BFAR: variants seen among roughly 807,000 people sequenced by gnomAD.
BFAR encodes bifunctional apoptosis regulator.
In BFAR, 52 loss-of-function variants were observed where a neutral mutation model predicts 54.4. The observed-to-expected ratio is 0.96, with a 90% CI of 0.77 to 1.21. The LOEUF is 1.21. BFAR is among the 50% of genes most tolerant of loss of function. The pLI is 0.00. For missense variants in BFAR, 571 were observed against 534.0 expected (o/e 1.07, Z -0.68); for synonymous variants, 215 against 204.3 (o/e 1.05, Z -0.45).
At chr16:14,644,253 G>T (rs1959715933) in intron 1 of BFAR, 21 bp from the exon 2 acceptor site, 5 of 1,293,376 alleles carry the variant, frequency 3.9e-6, no homozygotes, top group Non-Finnish European at 5.4e-6. Context: ...CCTTATTTTT[G>T]TCTCTGTTTT....
At chr16:14,663,294 A>G (rs1190635687) in intron 6 of BFAR, among the ~76,000 whole-genome samples, 2 of 151,262 alleles carry the variant, frequency 1.3e-5, no homozygotes, top group Non-Finnish European at 2.9e-5. Flanking sequence ...CAGCCCTTCA[A>G]TTTTAACGAG....
At position 14,644,269 on chromosome 16, in the gene BFAR, TCTAGA is replaced by T; in HGVS notation, c.-73-4_-73del. 1 of 1,411,844 alleles carries T rather than the reference TCTAGA, an allele frequency of 7.1e-7. No homozygotes were observed. 87.5% of individuals were successfully genotyped at this position (1,411,844 alleles called of 1,614,324 possible). On this transcript the variant is annotated splice_acceptor_variant and splice_polypyrimidine_tract_variant and 5_prime_UTR_variant and intron_variant, in exon 2 of 8. Coordinates refer to ENST00000261658, the MANE Select transcript of BFAR (RefSeq NM_016561.3). LOFTEE classifies it low-confidence loss of function (5UTR_SPLICE). ...CTTATTTTTGTCTCTGTTTTTTTTT[TCTAGA>T]TTAATGATGTTTTGCAGCAGTTTTC... is the stretch of plus-strand genomic sequence containing the variant.
At chr16:14,650,075 A>C in intron 4 of BFAR, 102 bp downstream of exon 4, 1 of 1,229,316 alleles carries the variant, frequency 8.1e-7, no homozygotes, top group Non-Finnish European at 1.1e-6. Flanking sequence ...GGATCCCAGC[A>C]CTTTGGGAGG....
At chr16:14,636,924 C>A (rs1301888932) in intron 1 of BFAR, among the ~76,000 whole-genome samples, 2 of 152,182 alleles carry the variant, frequency 1.3e-5, no homozygotes, top group African/African-American at 4.8e-5. Context: ...GCCCGTAATC[C>A]ATTTAACCCT....
At chr16:14,638,822 G>A (rs1356364835) in intron 1 of BFAR, among the ~76,000 whole-genome samples, 3 of 151,976 alleles carry the variant, frequency 2.0e-5, no homozygotes, top group African/African-American at 7.3e-5. Flanking sequence ...CTGGGCGCCT[G>A]TAATCCCAGC....
chr16:14,663,411 A>C (rs919241938), intron 6 of BFAR, among the ~76,000 whole-genome samples: 2 of 151,768 alleles, frequency 1.3e-5, no homozygotes, highest in Non-Finnish European at 2.9e-5. Flanking sequence ...GGCTCACTGC[A>C]ACCTCCATCT....
chr16:14,663,262 G>A (rs531398960), intron 6 of BFAR, among the ~76,000 whole-genome samples: 7 of 152,126 alleles, frequency 4.6e-5, no homozygotes, highest in South Asian at 2.1e-4. Context: ...GATTAGAGGC[G>A]TGAGCCACTG....
At chr16:14,649,145 G>A (rs990128783) in intron 3 of BFAR, among the ~76,000 whole-genome samples, 9 of 145,560 alleles carry the variant, frequency 6.2e-5, no homozygotes, top group Admixed American at 5.1e-4. Flanking sequence ...GCATGATCTC[G>A]GCTCACTGCC....
rs749459163 is a variant in BFAR at position 14,661,928 on chromosome 16, G to A, written c.820G>A (p.Ala274Thr). 1.4e-5 allele frequency: 22 copies of A among 1,613,928 alleles called. No homozygotes were observed. Among genetic ancestry groups the A allele is most frequent in the Middle Eastern group, 1.6e-4 (1 of 6,084 alleles). ...NPGRSLFLLY[A>T]LKSSPRLSLL... Reference sequence around the variant, plus strand: ...AGGCAGGTCCCTGTTCCTGCTATACGCCCTCAAGAGCTCCCCCAGGCTGAG... The same window carrying A: ...AGGCAGGTCCCTGTTCCTGCTATACACCCTCAAGAGCTCCCCCAGGCTGAG... The change falls in exon 6 of 8, where the codon GCC becomes ACC. Residue 274 changes from alanine to threonine, a missense_variant. Coordinates refer to ENST00000261658, the MANE Select transcript of BFAR (RefSeq NM_016561.3).
In BFAR at chr16:14,649,967, A is replaced by T; in HGVS notation, c.632A>T (p.Asn211Ile). ...GAAAGGTTTTTATCTGAACGAGTAA[A>T]TGGAAGGTGAGGAGCAAAGTCTTCT... ...YRERFLSERVNGRLLLTLTEE... is the reference protein window; with the variant it reads ...YRERFLSERVIGRLLLTLTEE... The change falls in exon 4 of 8, where the codon AAT becomes ATT. Residue 211 changes from asparagine (N) to isoleucine (I), a missense_variant. Coordinates refer to ENST00000261658, the MANE Select transcript of BFAR (RefSeq NM_016561.3). 1 of 1,606,286 alleles carries T rather than the reference A, an allele frequency of 6.2e-7. No individual in the cohort carries two copies. Among genetic ancestry groups the T allele is most frequent in the Non-Finnish European group, 8.5e-7 (1 of 1,175,506 alleles).
intron 4 of BFAR, chr16:14,650,357 A>T (rs1007202806): frequency 6.2e-6 from 1 of 162,110 alleles, no homozygotes. Flanking sequence ...GATGTAATCT[A>T]CATAAAATTC....
At chr16:14,636,940 GACACAGC>G (rs112298314) in intron 1 of BFAR, among the ~76,000 whole-genome samples, 17 of 152,308 alleles carry the variant, frequency 1.1e-4, no homozygotes, top group Admixed American at 4.6e-4. Context: ...ACCCTGAGTT[GACACAGC>G]ACGTGTTTCA....
intron 1 of BFAR, among the ~76,000 whole-genome samples, chr16:14,642,058 G>C (rs1366533997): frequency 6.6e-6 from 1 of 152,142 alleles, no homozygotes; most frequent in Non-Finnish European, 1.5e-5. Context: ...CAGAGGTGGG[G>C]TGAGAACCCA....
At chr16:14,645,692 T>C (rs1248494661) in intron 2 of BFAR, among the ~76,000 whole-genome samples, 1 of 152,256 alleles carries the variant, frequency 6.6e-6, no homozygotes, top group Non-Finnish European at 1.5e-5. Context: ...GAAGGTTAAA[T>C]TTAATCTTAA....
chr16:14,664,812 T>G, intron 6 of BFAR, 57 bp from the exon 7 acceptor site: 2 of 1,511,878 alleles, frequency 1.3e-6, no homozygotes, highest in Non-Finnish European at 1.8e-6. Context: ...ATCATCACAA[T>G]ATTTTGTGTA....
At chr16:14,634,476 T>C (rs1959370775) in intron 1 of BFAR, among the ~76,000 whole-genome samples, 1 of 152,230 alleles carries the variant, frequency 6.6e-6, no homozygotes. Context: ...ATTCTGTTAA[T>C]AATGCCGATC....
chr16:14,658,324 G>C (rs1294834980), intron 5 of BFAR, among the ~76,000 whole-genome samples: 1 of 152,094 alleles, frequency 6.6e-6, no homozygotes, highest in East Asian at 1.9e-4. Context: ...ATTATGCAAA[G>C]GAACTTTCTG....
Position 14,667,814 on chromosome 16 carries a change from C to T in BFAR, c.1340C>T (p.Thr447Ile), listed in dbSNP as rs1452181298. The change falls in exon 8 of 8, where the codon ACC (threonine) becomes ATC (isoleucine). Residue 447 changes from threonine to isoleucine, a missense_variant. Thr to Ile is a moderately conservative substitution (Grantham distance 89). Transcript: ENST00000261658. ...LVVKELRRLE[T>I]QVL is the part of the protein sequence containing the mutation. ...GTCAAGGAACTCCGGCGGCTGGAAA[C>T]CCAGGTGTTGTGACTGGCACTGCCC... 2 of 1,614,098 alleles carry T rather than the reference C, an allele frequency of 1.2e-6. No individual in the cohort carries two copies. Among genetic ancestry groups the T allele is most frequent in the South Asian group, 2.2e-5 (2 of 91,080 alleles).
intron 2 of BFAR, among the ~76,000 whole-genome samples, chr16:14,646,999 A>G (rs780546804): frequency 5.9e-5 from 9 of 151,844 alleles, no homozygotes; most frequent in South Asian, 2.1e-4. Flanking sequence ...CTGGTCTCCA[A>G]CTGCTGAGCT....
Sources: gnomAD v4.1 joint callset for allele counts (sites outside exome capture counted in the v4.1 genomes callset) on GRCh38, gnomAD v4.1.1 for gene constraint, MANE v1.5 for transcripts, NCBI Gene and HGNC (gene_info 2026-07-23, HGNC 2026-07-21) for gene names.